ARHGAP21: variants seen among roughly 807,000 people sequenced by gnomAD.
ARHGAP21 encodes the protein Rho GTPase activating protein 21.
In ARHGAP21, 38 loss-of-function variants were observed where a neutral mutation model predicts 164.6. The observed-to-expected ratio is 0.23, with a 90% CI of 0.18 to 0.30. The LOEUF (loss-of-function observed/expected upper bound fraction) is 0.30, where lower values mean the gene tolerates loss of function less well. Ranked by LOEUF, ARHGAP21 falls within the 10% of genes least tolerant of loss-of-function variation. The probability of loss-of-function intolerance (pLI) is 1.00; values close to 1 mark genes in which losing one functional copy is unlikely to be tolerated. For synonymous variants in ARHGAP21, 766 were observed against 857.9 expected (o/e 0.89, Z 1.87); for missense variants, 1,822 against 2,370.7 (o/e 0.77, Z 4.81).
chr10:24,584,552 T>C lies in ARHGAP21; in HGVS notation c.5737A>G (p.Ile1913Val), dbSNP rs2076019978. 1 of 1,613,896 alleles carries C rather than the reference T, an allele frequency of 6.2e-7. No individual in the cohort carries two copies. The highest frequency in any genetic ancestry group is 8.5e-7 in the Non-Finnish European group (1 of 1,179,850). ...ATTTGGTCAGGTGACTGTGGTGGTA[T>C]GGAAAGAAGGGGCCTGTTTGTTGAA... ...LASTNRPLLS[I>V]PPQSPDQING... Residue 1913 changes from isoleucine to valine, a missense_variant, in exon 26 of 26, where the codon ATA becomes GTA. Ile to Val is a conservative substitution (Grantham distance 29, BLOSUM62 3). Coordinates refer to ENST00000396432, the MANE Select transcript of ARHGAP21 (RefSeq NM_020824.4).
chr10:24,621,261 A>G lies in ARHGAP21; in HGVS notation c.634T>C (p.Ser212Pro), dbSNP rs771646307. 22 of 1,613,796 alleles carry G rather than the reference A, an allele frequency of 1.4e-5. No homozygotes were observed. The highest frequency in any genetic ancestry group is 1.5e-5 in the Non-Finnish European group (18 of 1,179,846). Residue 212 changes from serine (S) to proline (P), a missense_variant, in exon 9 of 26, where the codon TCA (serine) becomes CCA (proline). By Grantham distance (74) the Ser-to-Pro change is moderately conservative (BLOSUM62 -1). This residue lies in a region of ARHGAP21 where 1,090 missense variants were observed against 1,378.9 expected (regional missense o/e 0.79). Transcript: ENST00000396432. ...ICYPWLPSAP[S>P]AMAQPVEISP... ...ATTTCAACTGGCTGTGCCATGGCTGATGGGGCAGATGGCAGCCAGGGATAG... is the reference window on the plus strand; with the variant it reads ...ATTTCAACTGGCTGTGCCATGGCTGGTGGGGCAGATGGCAGCCAGGGATAG...
Position 24,619,395 on chromosome 10 carries a change from T to A in ARHGAP21, c.2422+78A>T. On this transcript the variant is annotated intron_variant, in intron 9 of 25. Transcript: ENST00000396432. ...TCACAGTGTAAGACTTCTATGCCTATTGAACTAGAAATAATACTTTTCTGG... is the reference window on the plus strand; with the variant it reads ...TCACAGTGTAAGACTTCTATGCCTAATGAACTAGAAATAATACTTTTCTGG... 5 of 1,395,282 alleles carry A rather than the reference T, an allele frequency of 3.6e-6. No individual in the cohort carries two copies. In the South Asian group the frequency reaches 6.8e-5, roughly 19 times the overall value. The allele number at this position is 1,395,282 out of a possible 1,614,324, so 86.4% of individuals were successfully genotyped here. A position where few individuals can be genotyped will look rare whatever the true frequency, so the allele number is the denominator to read the frequency against.
At chr10:24,615,099 A>G (rs2077421891) in intron 9 of ARHGAP21, among the ~76,000 whole-genome samples, 1 of 152,150 alleles carries the variant, frequency 6.6e-6, no homozygotes, top group Non-Finnish European at 1.5e-5. Context: ...CTGAGGCAGG[A>G]GAATCACTTG....
At position 24,600,982 on chromosome 10, in the gene ARHGAP21, T is replaced by C. The variant is rs2076790465; in HGVS notation, c.2848-52A>G. 3.2e-6 allele frequency: 5 copies of C among 1,574,704 alleles called. No homozygotes were observed. In the Admixed American group the frequency reaches 7.0e-5, roughly 22 times the overall value. ...TAGTCAATATTTGGCTAAATCTTTG[T>C]GACAGGATAAGCACATTAAGCAACA... On this transcript the variant is annotated intron_variant, in intron 13 of 25. Transcript: ENST00000396432.
At chr10:24,630,999 T>C (rs1453516159) in intron 6 of ARHGAP21, among the ~76,000 whole-genome samples, 1 of 152,216 alleles carries the variant, frequency 6.6e-6, no homozygotes, top group Non-Finnish European at 1.5e-5. Flanking sequence ...GTAAATTTCC[T>C]GTTGAAAATG....
intron 2 of ARHGAP21, among the ~76,000 whole-genome samples, chr10:24,721,016 C>CA (rs1845874142): frequency 6.6e-6 from 1 of 150,602 alleles, no homozygotes; most frequent in Non-Finnish European, 1.5e-5. Flanking sequence ...AGGTGAGAGG[C>CA]AACAGAGTAT....
chr10:24,691,883 T>C (rs755108171), intron 2 of ARHGAP21, among the ~76,000 whole-genome samples: 14 of 152,180 alleles, frequency 9.2e-5, no homozygotes, highest in Admixed American at 3.9e-4. Flanking sequence ...CATAAATACA[T>C]AAGATGTATA....
Position 24,630,036 on chromosome 10 carries a change from TC to T in ARHGAP21, c.454del (p.Glu152AsnfsTer32). ...TTCATCTTTTGGCATAACACTAAGT[TC>T]CAATGTTGTATCACTGAAATTGAAT... ...ALIQNSDTTL[E>X]LSVMPKDEDI... is the part of the protein sequence containing the mutation. On this transcript the variant is annotated frameshift_variant, in exon 7 of 26. Transcript: ENST00000396432. LOFTEE classifies it high-confidence loss of function. The T allele has an allele frequency of 6.4e-7, 1 of 1,552,990 alleles. No individual in the cohort carries two copies. Among genetic ancestry groups the T allele is most frequent in the Non-Finnish European group, 8.7e-7 (1 of 1,148,808 alleles).
chr10:24,616,935 G>A (rs966426461), intron 9 of ARHGAP21, among the ~76,000 whole-genome samples: 1 of 152,126 alleles, frequency 6.6e-6, no homozygotes, highest in African/African-American at 2.4e-5. Flanking sequence ...AAAACAAAAT[G>A]TATTCATTTT....
At position 24,659,318 on chromosome 10, in the gene ARHGAP21, CCT is replaced by C. The variant is rs199710939; in HGVS notation, c.268+7665_268+7666del. Among the ~76,000 whole-genome samples the C allele has an allele frequency of 6.6e-3, 1,012 of 152,252 alleles. 5 individuals are homozygous for C. The highest frequency in any genetic ancestry group is 0.017 in the Middle Eastern group (5 of 294). The stretch of plus-strand genomic sequence containing the variant: ...TATCTACCTTTCAAAGGAACAGAAT[CCT>C]CTTTCTTTTTTTTGAGATGGAATTT... On this transcript the variant is annotated intron_variant, in intron 4 of 25. Transcript: ENST00000396432.
At chr10:24,656,123 A>T (rs1350305195) in intron 4 of ARHGAP21, among the ~76,000 whole-genome samples, 1 of 141,974 alleles carries the variant, frequency 7.0e-6, no homozygotes, top group Non-Finnish European at 1.5e-5. Flanking sequence ...GGAAGTGAGG[A>T]GTGTCTCCGC....
chr10:24,669,508 G>C (rs1224106090), intron 3 of ARHGAP21, among the ~76,000 whole-genome samples: 1 of 152,116 alleles, frequency 6.6e-6, no homozygotes, highest in Non-Finnish European at 1.5e-5. Flanking sequence ...CATGTATATT[G>C]GTCAAATTCA....
At chr10:24,611,217 C>G (rs1228146950) in intron 9 of ARHGAP21, among the ~76,000 whole-genome samples, 1 of 152,126 alleles carries the variant, frequency 6.6e-6, no homozygotes, top group South Asian at 2.1e-4. Flanking sequence ...GCGAGAACCA[C>G]GCAGTCAGGG....
At chr10:24,675,313 A>G (rs962552160) in intron 2 of ARHGAP21, among the ~76,000 whole-genome samples, 4 of 152,202 alleles carry the variant, frequency 2.6e-5, no homozygotes, top group Non-Finnish European at 4.4e-5. Context: ...TCAAAGAAGA[A>G]GAGGAGGAGG....
At chr10:24,699,061 G>C (rs968791676) in intron 2 of ARHGAP21, among the ~76,000 whole-genome samples, 1 of 152,068 alleles carries the variant, frequency 6.6e-6, no homozygotes, top group Admixed American at 6.5e-5. Context: ...TCTGCCCTTC[G>C]AAAGTGTTTT....
At chr10:24,625,636 C>A (rs1192519455) in intron 7 of ARHGAP21, among the ~76,000 whole-genome samples, 3 of 151,914 alleles carry the variant, frequency 2.0e-5, no homozygotes, top group Non-Finnish European at 4.4e-5. Context: ...ATGAAAGAAC[C>A]CTCCAGAATT....
chr10:24,656,518 G>A (rs1382238945), intron 4 of ARHGAP21, among the ~76,000 whole-genome samples: 1 of 90,802 alleles, frequency 1.1e-5, no homozygotes. Context: ...GAGGGAGGTT[G>A]GGGGGTCAGC....
chr10:24,628,965 T>TAG (rs1362240061), intron 7 of ARHGAP21: 1 of 15,730 alleles, frequency 6.4e-5, no homozygotes, highest in East Asian at 1.5e-3. Context: ...TATATATATA[T>TAG]ATATATATAT....
intron 2 of ARHGAP21, among the ~76,000 whole-genome samples, chr10:24,670,730 C>T (rs1354768663): frequency 1.3e-5 from 2 of 151,966 alleles, no homozygotes; most frequent in East Asian, 3.9e-4. Flanking sequence ...TTAAAGAGCA[C>T]TATGGATTAA....
Sources: gnomAD v4.1 joint callset for allele counts (sites outside exome capture counted in the v4.1 genomes callset) on GRCh38, gnomAD v4.1.1 for gene constraint, gnomAD v4.1.1 regional missense constraint, MANE v1.5 for transcripts, NCBI Gene and HGNC (gene_info 2026-07-23, HGNC 2026-07-21) for gene names.